Variants in GSE1 observed in about 807,000 individuals in gnomAD.
The protein encoded by GSE1 is Gse1 coiled-coil protein, also known as genetic suppressor element 1.
A neutral mutation model predicts 112.6 loss-of-function variants in GSE1; 32 were observed. The observed-to-expected ratio is 0.28, with a 90% CI of 0.21 to 0.38. GSE1 has a LOEUF of 0.38. GSE1 is among the 10% of genes least tolerant of loss of function. The pLI is 1.00. For synonymous variants in GSE1, 1,115 were observed against 735.6 expected (o/e 1.52, Z -8.35); for missense variants, 2,348 against 1,699.2 (o/e 1.38, Z -6.71).
intron 2 of GSE1, among the ~76,000 whole-genome samples, chr16:85,431,654 T>G (rs535178524): frequency 7.4e-4 from 112 of 152,098 alleles, no homozygotes; most frequent in African/African-American, 2.5e-3. Context: ...CTCCCGCCAT[T>G]GGCCTTCCGT....
At chr16:85,224,174 G>A (rs532678533) in intron 1 of GSE1, among the ~76,000 whole-genome samples, 14 of 151,918 alleles carry the variant, frequency 9.2e-5, no homozygotes, top group Admixed American at 4.6e-4. Flanking sequence ...CACGATGCTG[G>A]TGGGGAGAAA....
At chr16:85,287,304 T>G (rs1472751880) in intron 1 of GSE1, among the ~76,000 whole-genome samples, 1 of 152,202 alleles carries the variant, frequency 6.6e-6, no homozygotes, top group East Asian at 1.9e-4. Flanking sequence ...CGGAGCAAGC[T>G]GGGGAGTGGG....
At chr16:85,628,926 C>T (rs772748167) in intron 1 of GSE1, among the ~76,000 whole-genome samples, 1 of 152,116 alleles carries the variant, frequency 6.6e-6, no homozygotes. Context: ...GGAAATGTGT[C>T]CTCCAGTTTT....
intron 1 of GSE1, among the ~76,000 whole-genome samples, chr16:85,300,239 T>C (rs2045483253): frequency 6.6e-6 from 1 of 152,200 alleles, no homozygotes; most frequent in African/African-American, 2.4e-5. Flanking sequence ...CTCGAACTCC[T>C]GACCTCAGGT....
At chr16:85,366,247 C>T (rs117648722) in intron 2 of GSE1, among the ~76,000 whole-genome samples, 1,607 of 152,348 alleles carry the variant, frequency 0.011, 15 homozygotes, top group Middle Eastern at 0.017. Flanking sequence ...CACTGCCAAG[C>T]GGCAGCTGCT....
At chr16:85,509,413 G>A (rs933181908) in intron 2 of GSE1, among the ~76,000 whole-genome samples, 1 of 152,200 alleles carries the variant, frequency 6.6e-6, no homozygotes, top group African/African-American at 2.4e-5. Flanking sequence ...CATCTCAGGA[G>A]CCCCCAGCTC....
At chr16:85,175,884 A>G (rs1234808887) in intron 1 of GSE1, among the ~76,000 whole-genome samples, 2 of 152,186 alleles carry the variant, frequency 1.3e-5, no homozygotes, top group Non-Finnish European at 2.9e-5. Context: ...AGGTTAAGCA[A>G]CTTGTCCAAG....
At chr16:85,391,233 G>A (rs2047832051) in intron 2 of GSE1, among the ~76,000 whole-genome samples, 1 of 152,248 alleles carries the variant, frequency 6.6e-6, no homozygotes, top group Non-Finnish European at 1.5e-5. Flanking sequence ...TCCAGGTAGT[G>A]TGCAAACACA....
intron 2 of GSE1, among the ~76,000 whole-genome samples, chr16:85,636,813 G>A (rs1294003653): frequency 6.6e-6 from 1 of 152,158 alleles, no homozygotes; most frequent in Admixed American, 6.5e-5. Context: ...CTGGCGTTGG[G>A]CGCACAAAAG....
At chr16:85,400,148 G>T (rs938347794) in intron 2 of GSE1, among the ~76,000 whole-genome samples, 1 of 152,138 alleles carries the variant, frequency 6.6e-6, no homozygotes, top group African/African-American at 2.4e-5. Context: ...TCTTTCAAAG[G>T]CAAAAAAACG....
chr16:85,323,598 G>T (rs2046162240), intron 1 of GSE1, among the ~76,000 whole-genome samples: 1 of 152,172 alleles, frequency 6.6e-6, no homozygotes, highest in South Asian at 2.1e-4. Context: ...CAATCCCAAG[G>T]CCTATGTGGT....
intron 2 of GSE1, among the ~76,000 whole-genome samples, chr16:85,508,304 G>C (rs2051610959): frequency 6.6e-6 from 1 of 152,192 alleles, no homozygotes; most frequent in African/African-American, 2.4e-5. Context: ...AAAGTGCTGG[G>C]ATTACAGGCA....
chr16:85,604,470 C>T (rs772863639), intron 1 of GSE1, among the ~76,000 whole-genome samples: 2 of 151,884 alleles, frequency 1.3e-5, no homozygotes, highest in Non-Finnish European at 1.5e-5. Context: ...TAGGAACATC[C>T]GTACAAGGTT....
At chr16:85,286,881 A>G (rs1170629832) in intron 1 of GSE1, among the ~76,000 whole-genome samples, 2 of 152,282 alleles carry the variant, frequency 1.3e-5, no homozygotes, top group Admixed American at 6.5e-5. Context: ...TCGTTGTCCC[A>G]TAGTATGGGC....
chr16:85,645,360 G>A lies in GSE1; in HGVS notation c.227-3192G>A, dbSNP rs575177131. ...ACGTGCCTCTGGGCCGCTCTGGGGC[G>A]TGGCCGATCTGGCTAGACGGAGTGT... On this transcript the variant is annotated intron_variant, in intron 2 of 15. Transcript: ENST00000253458. 1.9e-4 allele frequency among the ~76,000 whole-genome samples: 29 copies of A among 152,284 alleles called. No individual in the cohort carries two copies. In the South Asian group the frequency reaches 2.9e-3, roughly 15 times the overall value.
At position 85,629,506 on chromosome 16, in the gene GSE1, G is replaced by A. The variant is rs998838412; in HGVS notation, c.8-4408G>A. ...TGCACCGGAGATCGGCCCCTCCTGC[G>A]GCCCTGGAGCAGGTCGAGCTGGGCC... On this transcript the variant is annotated intron_variant, in intron 1 of 15. Coordinates refer to ENST00000253458, the MANE Select transcript of GSE1 (RefSeq NM_014615.5). Among the ~76,000 whole-genome samples, 8 of 152,360 alleles carry A rather than the reference G, an allele frequency of 5.3e-5. No homozygotes were observed. In the East Asian group the frequency reaches 7.7e-4, roughly 15 times the overall value.
At chr16:85,486,502 G>C (rs1458515322) in intron 2 of GSE1, among the ~76,000 whole-genome samples, 2 of 152,268 alleles carry the variant, frequency 1.3e-5, no homozygotes, top group South Asian at 4.1e-4. Context: ...AGGTGGCTCC[G>C]TTCGGGGGTG....
At chr16:85,627,680 GC>G (rs764978240) in intron 1 of GSE1, among the ~76,000 whole-genome samples, 5 of 151,872 alleles carry the variant, frequency 3.3e-5, no homozygotes. Context: ...CGGCCCCCCG[GC>G]CCCCCGGCCC....
At chr16:85,618,432 T>A (rs1008462342) in intron 1 of GSE1, among the ~76,000 whole-genome samples, 1 of 152,102 alleles carries the variant, frequency 6.6e-6, no homozygotes, top group Non-Finnish European at 1.5e-5. Context: ...CCCTGATGAG[T>A]GTCAGCTGTT....
Sources: gnomAD v4.1 joint callset for allele counts (sites outside exome capture counted in the v4.1 genomes callset) on GRCh38, gnomAD v4.1.1 for gene constraint, MANE v1.5 for transcripts, NCBI Gene and HGNC (gene_info 2026-07-23, HGNC 2026-07-21) for gene names.